The following MYH3 variants were observed in gnomAD, a reference collection of about 807,000 sequenced individuals.
The protein encoded by MYH3 is myosin heavy chain 3, also known as myosin-3.
In MYH3, 130 loss-of-function variants were observed where a neutral mutation model predicts 238.0. That is an observed-to-expected ratio of 0.55 (90% CI 0.47 to 0.63). The LOEUF (loss-of-function observed/expected upper bound fraction) is 0.63. Ranked by LOEUF, MYH3 falls within the 30% of genes least tolerant of loss-of-function variation. The pLI is 0.00. For synonymous variants in MYH3, 880 were observed against 924.1 expected (o/e 0.95, Z 0.86); for missense variants, 1,853 against 2,374.9 (o/e 0.78, Z 4.57).
chr17:10,637,999 G>A, intron 27 of MYH3, 44 bp downstream of exon 27: 5 of 1,614,066 alleles, frequency 3.1e-6, no homozygotes, highest in Non-Finnish European at 4.2e-6. Context: ...ACCACGGAGT[G>A]TGTCTGATGG....
At position 10,637,938 on chromosome 17, in the gene MYH3, G is replaced by T. The variant is rs1008594833; in HGVS notation, c.3730-3C>A. On this transcript the variant is annotated splice_region_variant and splice_polypyrimidine_tract_variant and intron_variant, in intron 27 of 40. Transcript: ENST00000583535. ...CGGCAGATTTTTTCCAGATTTGCCT[G>T]AAGGATTCAGAAAGGGGAGCAAAGT... The T allele has an allele frequency of 1.2e-6, 2 of 1,614,172 alleles. No individual in the cohort carries two copies. The highest frequency in any genetic ancestry group is 3.3e-5 in the Admixed American group (2 of 60,024).
intron 5 of MYH3, 62 bp downstream of exon 5, chr17:10,651,450 A>G: frequency 6.2e-7 from 1 of 1,611,196 alleles, no homozygotes; most frequent in Non-Finnish European, 8.5e-7. Context: ...GTAAGGGGCA[A>G]CTGCCGCTCG....
upstream of MYH3, among the ~76,000 whole-genome samples, chr17:10,659,412 C>T (rs907050989): frequency 2.0e-5 from 3 of 152,284 alleles, no homozygotes; most frequent in Middle Eastern, 3.4e-3. Flanking sequence ...TAGGAGAAAA[C>T]GTCACAGACT....
chr17:10,641,140 G>T lies in MYH3; in HGVS notation c.2110C>A (p.Arg704Ser). ...LRCNGVLEGIRICRKGFPNRI... is the reference protein window; with the variant it reads ...LRCNGVLEGISICRKGFPNRI... ...TTTGGGAACCCTTTCCTGCAGATGC[G>T]GATGCCCTCCAGGACACCGTTACAC... The change falls in exon 19 of 41, where the codon CGC becomes AGC. Residue 704 changes from arginine to serine, a missense_variant. By Grantham distance (110) the Arg-to-Ser change is moderately radical (BLOSUM62 -1). Coordinates refer to ENST00000583535, the MANE Select transcript of MYH3 (RefSeq NM_002470.4). 1 of 1,613,838 alleles carries T rather than the reference G, an allele frequency of 6.2e-7. No homozygotes were observed. The highest frequency in any genetic ancestry group is 8.5e-7 in the Non-Finnish European group (1 of 1,180,006).
chr17:10,640,793 G>A (rs558732770), intron 19 of MYH3, 107 bp from the exon 20 acceptor site: 1 of 1,382,118 alleles, frequency 7.2e-7, no homozygotes, highest in African/African-American at 1.4e-5. Flanking sequence ...CAAGGTCCCA[G>A]GAGATGAGGG....
chr17:10,631,920 C>A lies in MYH3; in HGVS notation c.5053G>T (p.Glu1685Ter). The A allele has an allele frequency of 6.2e-7, 1 of 1,614,150 alleles. No individual in the cohort carries two copies. The highest frequency in any genetic ancestry group is 8.5e-7 in the Non-Finnish European group (1 of 1,180,036). Residue 1685 changes from glutamate to a stop codon, truncating the protein, a stop_gained, in exon 35 of 41, where the codon GAG becomes TAG. Coordinates refer to ENST00000583535, the MANE Select transcript of MYH3 (RefSeq NM_002470.4). LOFTEE classifies it high-confidence loss of function. ...VERRANLLQAEVEELRATLEQ... is the reference protein window; with the variant it reads ...VERRANLLQA ...AGAGTAGCCCGCAGCTCCTCCACCT[C>A]GGCCTGCAGCAGGTTGGCTCTGCGC...
chr17:10,670,081 G>A, the MYH3 span, among the ~76,000 whole-genome samples: 2 of 152,296 alleles, frequency 1.3e-5, no homozygotes, highest in East Asian at 1.9e-4. This position sits in a 1 kb window ranked among gnomAD's most constrained non-coding sequence, Gnocchi z 7.0. Flanking sequence ...TCAGTCCCAC[G>A]TGTGACATTC....
chr17:10,631,085 T>C (rs2074151576), intron 36 of MYH3, among the ~76,000 whole-genome samples: 1 of 152,210 alleles, frequency 6.6e-6, no homozygotes, highest in South Asian at 2.1e-4. Context: ...TTACCACCAA[T>C]ATATATTTTC....
At position 10,641,265 on chromosome 17, in the gene MYH3, C is replaced by A. The variant is rs772332263; in HGVS notation, c.2047+20G>T. ...TTCTTAAAAACTGAGCACCACCTAGCGAGCCAGCAGGTGTCTCACCTGGAG... is the reference window on the plus strand; with the variant it reads ...TTCTTAAAAACTGAGCACCACCTAGAGAGCCAGCAGGTGTCTCACCTGGAG... On this transcript the variant is annotated intron_variant, in intron 18 of 40. Coordinates refer to ENST00000583535, the MANE Select transcript of MYH3 (RefSeq NM_002470.4). 1.2e-6 allele frequency: 2 copies of A among 1,608,980 alleles called. No individual in the cohort carries two copies. Among genetic ancestry groups the A allele is most frequent in the South Asian group, 1.1e-5 (1 of 90,958 alleles).
chr17:10,656,403 G>A (rs1260381354), intron 1 of MYH3, among the ~76,000 whole-genome samples: 3 of 152,220 alleles, frequency 2.0e-5, no homozygotes, highest in Admixed American at 6.5e-5. Context: ...TGGGCGTGGC[G>A]GCAGATGCCT....
At chr17:10,652,383 A>C (rs754757764) in intron 4 of MYH3, 37 bp downstream of exon 4, 2 of 1,611,186 alleles carry the variant, frequency 1.2e-6, no homozygotes, top group Non-Finnish European at 1.7e-6. Context: ...CGCATATCTA[A>C]TGCCCCAGGG....
In MYH3 at chr17:10,640,603, A is replaced by G; in HGVS notation, c.2249T>C (p.Ile750Thr). The change falls in exon 20 of 41, where the codon ATT (isoleucine) becomes ACT (threonine). Residue 750 changes from isoleucine (I) to threonine (T), a missense_variant. Ile to Thr is a moderately conservative substitution (Grantham distance 89). Coordinates refer to ENST00000583535, the MANE Select transcript of MYH3 (RefSeq NM_002470.4). The part of the protein sequence containing the change: ...KKACEKLLAS[I>T]DIDHTQYKFG... ...TTTGTACTGAGTGTGGTCAATATCAATGGATGCCAGAAGCTTTTCACAGGC... is the reference window on the plus strand; with the variant it reads ...TTTGTACTGAGTGTGGTCAATATCAGTGGATGCCAGAAGCTTTTCACAGGC... 6.2e-7 allele frequency: 1 copy of G among 1,614,272 alleles called. No individual in the cohort carries two copies. Among genetic ancestry groups the G allele is most frequent in the Non-Finnish European group, 8.5e-7 (1 of 1,180,044 alleles).
chr17:10,640,562 C>T lies in MYH3; in HGVS notation c.2289+1G>A. ...AGCATCTGTCAGAACTGATGCATTA[C>T]CTTGGTATGTCCAAATTTGTACTGA... On this transcript the variant is annotated splice_donor_variant, in intron 20 of 40. Transcript: ENST00000583535. LOFTEE classifies it high-confidence loss of function. The T allele has an allele frequency of 6.2e-7, 1 of 1,614,248 alleles. No homozygotes were observed. Among genetic ancestry groups the T allele is most frequent in the Non-Finnish European group, 8.5e-7 (1 of 1,180,040 alleles).
Position 10,633,860 on chromosome 17 carries a change from G to A in MYH3, c.4523-145C>T, listed in dbSNP as rs1392113110. 9 of 1,473,060 alleles carry A rather than the reference G, an allele frequency of 6.1e-6. No individual in the cohort carries two copies. In the Admixed American group the frequency reaches 1.0e-4, roughly 17 times the overall value. 91.2% of individuals were successfully genotyped at this position (1,473,060 alleles called of 1,614,324 possible). On this transcript the variant is annotated intron_variant, in intron 32 of 40. Transcript: ENST00000583535. Reference sequence around the variant, plus strand: ...AGAGATAAGATATTGTACAGAGAGAGGCTAAAACGTAACCCGTCAGATGGT... The same window carrying A: ...AGAGATAAGATATTGTACAGAGAGAAGCTAAAACGTAACCCGTCAGATGGT...
chr17:10,642,485 A>T lies in MYH3; in HGVS notation c.1820T>A (p.Val607Asp). 6.2e-7 allele frequency: 1 copy of T among 1,614,198 alleles called. No homozygotes were observed. Among genetic ancestry groups the T allele is most frequent in the Non-Finnish European group, 8.5e-7 (1 of 1,180,022 alleles). ...KNKDPLNETV[V>D]GLYQKSSNRL... ...GTTGGAAGACTTCTGGTACAGCCCAACCACAGTCTCGTTCAGAGGGTCCTT... is the reference window on the plus strand; with the variant it reads ...GTTGGAAGACTTCTGGTACAGCCCATCCACAGTCTCGTTCAGAGGGTCCTT... Residue 607 changes from valine (V) to aspartate (D), a missense_variant, in exon 16 of 41, where the codon GTT becomes GAT. Physicochemically the swap from Val to Asp is radical, Grantham distance 152. Around this residue, in one of 3 missense-constraint regions of MYH3, gnomAD observed 678 missense variants for 1,058.9 expected, o/e 0.64. Transcript: ENST00000583535. The surrounding 1 kb of genome is among the most constrained non-coding windows in gnomAD (Gnocchi z 5.4).
chr17:10,649,552 GC>G, intron 7 of MYH3, 24 bp downstream of exon 7: 1 of 1,581,840 alleles, frequency 6.3e-7, no homozygotes, highest in Non-Finnish European at 8.7e-7. Context: ...TGGAAGCAAA[GC>G]AAGCCTTCCT....
upstream of MYH3, among the ~76,000 whole-genome samples, chr17:10,659,700 T>C (rs1422686243): frequency 2.0e-5 from 3 of 152,194 alleles, no homozygotes; most frequent in Non-Finnish European, 2.9e-5. Flanking sequence ...AAGGCACCCA[T>C]GCTGATCGCG....
In MYH3 at chr17:10,629,233, C is replaced by T. The variant is rs111340039; in HGVS notation, c.5796+364G>A. Reference sequence around the variant, plus strand: ...TGTGATGTTCCCCTCCCTGTGTCCACGTGTTCTCACTGTTCAACTCCCACT... The same window carrying T: ...TGTGATGTTCCCCTCCCTGTGTCCATGTGTTCTCACTGTTCAACTCCCACT... On this transcript the variant is annotated intron_variant, in intron 40 of 40. Transcript: ENST00000583535. 8.4e-3 allele frequency among the ~76,000 whole-genome samples: 1,273 copies of T among 152,056 alleles called. 10 individuals carry two copies. The highest frequency in any genetic ancestry group is 0.028 in the African/African-American group (1,161 of 41,444).
In MYH3 at chr17:10,639,770, T is replaced by G; in HGVS notation, c.2715A>C (p.Arg905Ser). The G allele has an allele frequency of 6.2e-7, 1 of 1,614,008 alleles. No homozygotes were observed. Among genetic ancestry groups the G allele is most frequent in the Non-Finnish European group, 8.5e-7 (1 of 1,179,994 alleles). Residue 905 changes from arginine to serine, a missense_variant, in exon 23 of 41, where the codon AGA becomes AGC. Arg to Ser is a moderately radical substitution (Grantham distance 110). Transcript: ENST00000583535. Reference sequence around the variant, plus strand: ...ATTTGGCTTTGATCAGCTGATCGCATCTTTCCTCAGCATCCAACAAATTTT... The same window carrying G: ...ATTTGGCTTTGATCAGCTGATCGCAGCTTTCCTCAGCATCCAACAAATTTT... ...ESENLLDAEE[R>S]CDQLIKAKFQ...
Sources: gnomAD v4.1 joint callset for allele counts (sites outside exome capture counted in the v4.1 genomes callset) on GRCh38, gnomAD v4.1.1 for gene constraint, gnomAD v4.1.1 regional missense constraint, Gnocchi (gnomAD v3.1) non-coding constraint, MANE v1.5 for transcripts, NCBI Gene and HGNC (gene_info 2026-07-23, HGNC 2026-07-21) for gene names.